The following EDIL3 variants were observed in gnomAD, a reference collection of about 807,000 sequenced individuals.
EDIL3 encodes the protein EGF like and discoidin domains 3, also known as EGF-like repeat and discoidin I-like domain-containing protein 3.
Under a neutral mutation model 67.4 loss-of-function variants are expected in EDIL3, and 37 were observed. The observed-to-expected ratio is 0.55, with a 90% confidence interval of 0.42 to 0.72. The LOEUF (loss-of-function observed/expected upper bound fraction) is 0.72. Ranked by LOEUF, EDIL3 falls within the 30% of genes least tolerant of loss-of-function variation. The pLI is 0.00. For synonymous variants in EDIL3, 195 were observed against 196.3 expected (o/e 0.99, Z 0.05); for missense variants, 527 against 586.3 (o/e 0.90, Z 1.04).
At chr5:84,179,528 T>G (rs1748978897) in intron 4 of EDIL3, among the ~76,000 whole-genome samples, 1 of 152,206 alleles carries the variant, frequency 6.6e-6, no homozygotes, top group Admixed American at 6.5e-5. Context: ...TTGCTGGTGC[T>G]TGGATACAGC....
intron 1 of EDIL3, among the ~76,000 whole-genome samples, chr5:84,360,172 G>C (rs1445527979): frequency 1.3e-5 from 2 of 152,164 alleles, no homozygotes; most frequent in Admixed American, 1.3e-4. Context: ...AGATTTGAAG[G>C]AGAGTGGTTA....
intron 1 of EDIL3, among the ~76,000 whole-genome samples, chr5:84,336,144 A>G (rs1377200115): frequency 6.6e-6 from 1 of 152,210 alleles, no homozygotes; most frequent in African/African-American, 2.4e-5. Flanking sequence ...GGCATATTTG[A>G]ACTGGCTCTT....
chr5:84,234,771 A>G (rs1744647481), intron 2 of EDIL3, among the ~76,000 whole-genome samples: 1 of 152,144 alleles, frequency 6.6e-6, no homozygotes, highest in Non-Finnish European at 1.5e-5. Flanking sequence ...CTATATCATA[A>G]ATTTGGTTAA....
At chr5:84,166,717 T>G (rs757161812) in intron 4 of EDIL3, among the ~76,000 whole-genome samples, 1 of 152,098 alleles carries the variant, frequency 6.6e-6, no homozygotes, top group Non-Finnish European at 1.5e-5. Context: ...TGGAGGAAGA[T>G]GTTAAAGAAT....
chr5:84,308,253 A>G (rs759955900), intron 1 of EDIL3, among the ~76,000 whole-genome samples: 22 of 152,326 alleles, frequency 1.4e-4, no homozygotes, highest in Admixed American at 2.6e-4. Flanking sequence ...CAGTTTGGGC[A>G]TAAAGAGGAA....
intron 8 of EDIL3, among the ~76,000 whole-genome samples, chr5:84,064,226 TA>T (rs1160189487): frequency 6.6e-6 from 1 of 151,678 alleles, no homozygotes; most frequent in Non-Finnish European, 1.5e-5. Context: ...TCATAAAACC[TA>T]AAAAAAAGTT....
chr5:83,954,330 G>A (rs1443132378), intron 10 of EDIL3, among the ~76,000 whole-genome samples: 4 of 151,788 alleles, frequency 2.6e-5, no homozygotes, highest in Middle Eastern at 3.4e-3. Flanking sequence ...GTCAAAATGC[G>A]ATCCTCAATG....
intron 3 of EDIL3, among the ~76,000 whole-genome samples, chr5:84,191,226 G>T (rs1313941933): frequency 6.6e-6 from 1 of 152,074 alleles, no homozygotes; most frequent in Admixed American, 6.6e-5. Context: ...CAAAGCTACA[G>T]TTCTTTCTCC....
At chr5:83,969,080 A>C (rs2112135619) in intron 9 of EDIL3, among the ~76,000 whole-genome samples, 1 of 151,904 alleles carries the variant, frequency 6.6e-6, no homozygotes, top group Admixed American at 6.6e-5. Context: ...TACACTTTTC[A>C]TCCATATTTG....
chr5:84,347,929 C>T (rs1311482215), intron 1 of EDIL3, among the ~76,000 whole-genome samples: 1 of 152,184 alleles, frequency 6.6e-6, no homozygotes, highest in East Asian at 1.9e-4. Flanking sequence ...AAACACCCTC[C>T]TTATCTCCTG....
intron 1 of EDIL3, among the ~76,000 whole-genome samples, chr5:84,377,135 G>A (rs1012182429): frequency 6.6e-6 from 1 of 152,044 alleles, no homozygotes; most frequent in African/African-American, 2.4e-5. Flanking sequence ...GACCACCCTG[G>A]CTAACACGGT....
chr5:84,268,006 G>A (rs1227552904), intron 1 of EDIL3, among the ~76,000 whole-genome samples: 5 of 152,104 alleles, frequency 3.3e-5, no homozygotes, highest in South Asian at 2.1e-4. Context: ...GCATGGCTGC[G>A]TGTGCCTGTA....
In EDIL3 at chr5:84,106,793, T is replaced by C. The variant is rs1008770011; in HGVS notation, c.507A>G (p.Ile169Met). The C allele has an allele frequency of 3.7e-6, 6 of 1,610,526 alleles. No individual in the cohort carries two copies. Among genetic ancestry groups the C allele is most frequent in the Non-Finnish European group, 5.1e-6 (6 of 1,178,758 alleles). ...AGGAAGCTGTGATTTGCTGGTTTGATATAATTCCACCTTCAATTCCCAGTG... is the reference window on the plus strand; with the variant it reads ...AGGAAGCTGTGATTTGCTGGTTTGACATAATTCCACCTTCAATTCCCAGTG... ...SGPLGIEGGIISNQQITASST... is the reference protein window; with the variant it reads ...SGPLGIEGGIMSNQQITASST... Residue 169 changes from isoleucine (I) to methionine (M), a missense_variant, in exon 6 of 11, where the codon ATA (isoleucine) becomes ATG (methionine). By Grantham distance (10) the Ile-to-Met change is conservative. Coordinates refer to ENST00000296591, the MANE Select transcript of EDIL3 (RefSeq NM_005711.5).
At chr5:84,028,689 T>C (rs1251344597) in intron 9 of EDIL3, among the ~76,000 whole-genome samples, 3 of 152,148 alleles carry the variant, frequency 2.0e-5, no homozygotes, top group Admixed American at 2.0e-4. Context: ...TATATGTATG[T>C]ATATGTGTGT....
At chr5:84,111,943 G>A (rs545538921) in intron 5 of EDIL3, among the ~76,000 whole-genome samples, 137 of 152,192 alleles carry the variant, frequency 9.0e-4, no homozygotes, top group Middle Eastern at 3.4e-3. Context: ...AATGATTCCC[G>A]GAAAAGAATA....
chr5:83,975,284 A>C (rs1744859857), intron 9 of EDIL3, among the ~76,000 whole-genome samples: 1 of 151,996 alleles, frequency 6.6e-6, no homozygotes, highest in Non-Finnish European at 1.5e-5. Context: ...ACTCAGCACC[A>C]AATAACCTTA....
At chr5:84,241,845 T>C (rs1287378097) in intron 2 of EDIL3, among the ~76,000 whole-genome samples, 1 of 152,096 alleles carries the variant, frequency 6.6e-6, no homozygotes, top group African/African-American at 2.4e-5. Flanking sequence ...TAATTATTTA[T>C]ATCACTTAAT....
intron 5 of EDIL3, among the ~76,000 whole-genome samples, chr5:84,114,569 CT>C (rs1747631059): frequency 1.3e-5 from 2 of 152,156 alleles, no homozygotes; most frequent in African/African-American, 4.8e-5. Context: ...GAGATTGCTT[CT>C]TTGTATTGGG....
chr5:83,986,078 T>C (rs190131915), intron 9 of EDIL3, among the ~76,000 whole-genome samples: 23 of 152,238 alleles, frequency 1.5e-4, no homozygotes, highest in Admixed American at 9.8e-4. Flanking sequence ...GTTAAATATC[T>C]TGATTTAGAA....
Sources: allele counts gnomAD v4.1 joint callset (sites outside exome capture counted in the v4.1 genomes callset), GRCh38; gene constraint gnomAD v4.1.1; transcripts MANE v1.5; gene names NCBI Gene and HGNC (gene_info 2026-07-23, HGNC 2026-07-21).